Variants in URI1 observed in about 807,000 individuals in gnomAD.
URI1 encodes the protein unconventional prefoldin RPB5 interactor 1.
In URI1, 39 loss-of-function variants were observed where a neutral mutation model predicts 60.2. That is an observed-to-expected ratio of 0.65 (90% CI 0.50 to 0.85). The LOEUF (loss-of-function observed/expected upper bound fraction) is 0.85, where lower values mean the gene tolerates loss of function less well. Among genes scored for constraint, URI1 ranks in the 40% least tolerant of loss-of-function variants. The pLI is 0.00. For missense variants in URI1, 691 were observed against 665.9 expected (o/e 1.04, Z -0.42); for synonymous variants, 251 against 236.8 (o/e 1.06, Z -0.55).
At position 29,960,274 on chromosome 19, in the gene URI1, A is replaced by G. The variant is rs1299613290; in HGVS notation, c.118-10919A>G. ...TAATCCTGCAGTTTTTGGGTTCAGT[A>G]TGTGTCTGTTAGTTCAGGCTGCTTG... On this transcript the variant is annotated intron_variant, in intron 1 of 10. Transcript: ENST00000392271. Among the ~76,000 whole-genome samples, 4 of 152,234 alleles carry G rather than the reference A, an allele frequency of 2.6e-5. No individual in the cohort carries two copies. The East Asian group carries it at 7.7e-4, about 29-fold the overall frequency.
At chr19:29,958,555 CTTG>C (rs1320397674) in intron 1 of URI1, among the ~76,000 whole-genome samples, 2 of 152,204 alleles carry the variant, frequency 1.3e-5, no homozygotes, top group African/African-American at 4.8e-5. Context: ...ATGTGTTTAC[CTTG>C]TTGTATATTG....
rs183923805 is a variant in URI1 at position 30,009,263 on chromosome 19, C to T, written c.945C>T (p.Asp315=). 9.3e-6 allele frequency: 15 copies of T among 1,613,726 alleles called. No homozygotes were observed. In the Admixed American group the frequency reaches 1.2e-4, roughly 13 times the overall value. The change falls in exon 8 of 11, where the codon GAC becomes GAT. Residue 315 remains aspartate (D), a synonymous_variant. Transcript: ENST00000392271. ...DDDDDDDNID[D]DDGDNDHEAL... ...ACGACGACGACGACAACATTGACGA[C>T]GATGATGGTGATAACGACCATGAGG... is the stretch of plus-strand genomic sequence containing the variant.
intron 4 of URI1, among the ~76,000 whole-genome samples, chr19:29,998,592 A>T (rs2055840974): frequency 6.6e-6 from 1 of 151,982 alleles, no homozygotes; most frequent in African/African-American, 2.4e-5. Context: ...TTTTAATTTA[A>T]AGTCTATTTT....
At chr19:29,939,655 G>A (rs2055004619), upstream of URI1, among the ~76,000 whole-genome samples, 2 of 152,310 alleles carry the variant, frequency 1.3e-5, no homozygotes, top group Admixed American at 1.3e-4. Flanking sequence ...AGAGGAGAGG[G>A]GAGGGGCTTT....
At chr19:29,944,931 C>T (rs970580157) in intron 1 of URI1, among the ~76,000 whole-genome samples, 1 of 152,156 alleles carries the variant, frequency 6.6e-6, no homozygotes. Flanking sequence ...TTTATTTAGG[C>T]TTTAAAGCTG....
rs1179983818 is a variant in URI1, at chr19:30,005,665, T to G, written c.474T>G (p.Ile158Met). 5.0e-6 allele frequency: 8 copies of G among 1,611,966 alleles called. No individual in the cohort carries two copies. In the African/African-American group the frequency reaches 1.1e-4, roughly 22 times the overall value. Reference sequence around the variant, plus strand: ...TTAAAAACCAGGCTGCAGGTGATATTGTTGACATACGAGAAGAAATTAAAT... The same window carrying G: ...TTAAAAACCAGGCTGCAGGTGATATGGTTGACATACGAGAAGAAATTAAAT... ...LQKMSDAAGD[I>M]VDIREEIKCD... The change falls in exon 6 of 11, where the codon ATT (isoleucine) becomes ATG (methionine). Residue 158 changes from isoleucine (I) to methionine (M), a missense_variant. By Grantham distance (10) the Ile-to-Met change is conservative. Transcript: ENST00000392271.
intron 1 of URI1, among the ~76,000 whole-genome samples, chr19:29,966,137 GATTTATTT>G (rs989712287): frequency 6.6e-6 from 1 of 152,030 alleles, no homozygotes; most frequent in Non-Finnish European, 1.5e-5. Context: ...TATGGTGGTT[GATTTATTT>G]ATTTATTTAT....
intron 2 of URI1, among the ~76,000 whole-genome samples, chr19:29,981,125 G>A (rs1021868206): frequency 5.4e-5 from 8 of 148,916 alleles, no homozygotes; most frequent in African/African-American, 2.0e-4. Flanking sequence ...TTTTATTTTT[G>A]TCAGTCACTT....
chr19:29,953,150 C>T (rs1202309727), intron 1 of URI1, among the ~76,000 whole-genome samples: 1 of 152,120 alleles, frequency 6.6e-6, no homozygotes, highest in Admixed American at 6.5e-5. Flanking sequence ...CTCATTTCAC[C>T]ATCACGAGTG....
chr19:29,945,021 A>G (rs945037585), intron 1 of URI1, among the ~76,000 whole-genome samples: 18 of 152,228 alleles, frequency 1.2e-4, no homozygotes, highest in African/African-American at 4.1e-4. Context: ...AAAATGTCAT[A>G]GTAGCTTCAT....
chr19:29,929,399 C>T (rs2054896789), intron 1 of URI1, among the ~76,000 whole-genome samples: 1 of 152,102 alleles, frequency 6.6e-6, no homozygotes, highest in South Asian at 2.1e-4. Context: ...GAGTTGGAGA[C>T]CAGCCTGGCC....
chr19:29,969,648 C>T (rs1040584197), intron 1 of URI1, among the ~76,000 whole-genome samples: 1 of 152,186 alleles, frequency 6.6e-6, no homozygotes, highest in Admixed American at 6.5e-5. Flanking sequence ...TGGCTCTCTT[C>T]ATGCTTGGAA....
At chr19:29,971,679 A>G (rs1242930325) in intron 2 of URI1, among the ~76,000 whole-genome samples, 1 of 150,126 alleles carries the variant, frequency 6.7e-6, no homozygotes, top group Non-Finnish European at 1.5e-5. Context: ...AGCTTGTTTT[A>G]TTGACTGTAC....
At chr19:29,926,233 CTCCTTCCTTCCTTCCTTCCTTCCT>C (rs35040318) in intron 1 of URI1, among the ~76,000 whole-genome samples, 11 of 131,576 alleles carry the variant, frequency 8.4e-5, no homozygotes, top group African/African-American at 2.3e-4. Flanking sequence ...TTCTTCCTCT[CTCCTTCCTTCCTTCCTTCCTTCCT>C]TCCTTCCTTC....
At chr19:29,976,492 T>G (rs1316744939) in intron 2 of URI1, among the ~76,000 whole-genome samples, 1 of 152,212 alleles carries the variant, frequency 6.6e-6, no homozygotes, top group Non-Finnish European at 1.5e-5. Context: ...GAATGGAAGC[T>G]GCAAGGCCAC....
chr19:29,993,764 C>T (rs1293181679), intron 4 of URI1, among the ~76,000 whole-genome samples: 2 of 152,104 alleles, frequency 1.3e-5, no homozygotes, highest in African/African-American at 2.4e-5. Context: ...TGTTCTTTAA[C>T]ATCCAGTTTA....
rs1013336536 is a variant in URI1 at position 29,942,582 on chromosome 19, C to T, written c.35C>T (p.Pro12Leu). The part of the protein sequence containing the change: ...EAPTVETPPD[P>L]SPPSAPAPAL... ...CCCACCGTGGAGACGCCCCCCGACC[C>T]CTCGCCCCCTTCGGCCCCGGCCCCT... is the stretch of plus-strand genomic sequence containing the variant. The change falls in exon 1 of 11, where the codon CCC becomes CTC. Residue 12 changes from proline to leucine, a missense_variant. Physicochemically the swap from Pro to Leu is moderately conservative, Grantham distance 98. Transcript: ENST00000392271. 2.4e-5 allele frequency: 34 copies of T among 1,426,542 alleles called. No individual in the cohort carries two copies. Among genetic ancestry groups the T allele is most frequent in the African/African-American group, 3.0e-5 (2 of 66,828 alleles). 88.4% of individuals were successfully genotyped at this position (1,426,542 alleles called of 1,614,324 possible). A position where few individuals can be genotyped will look rare whatever the true frequency, so the allele number is the denominator to read the frequency against.
At chr19:30,002,125 G>A (rs1482532728) in intron 4 of URI1, among the ~76,000 whole-genome samples, 1 of 151,976 alleles carries the variant, frequency 6.6e-6, no homozygotes, top group Non-Finnish European at 1.5e-5. Context: ...ATACTATTCA[G>A]TACATATGAA....
intron 1 of URI1, among the ~76,000 whole-genome samples, chr19:29,950,474 C>A (rs762338834): frequency 6.6e-6 from 1 of 152,152 alleles, no homozygotes; most frequent in East Asian, 1.9e-4. Context: ...TATAAAAGTA[C>A]AGGAAAGGTG....
Sources: gnomAD v4.1 joint callset for allele counts (sites outside exome capture counted in the v4.1 genomes callset) on GRCh38, gnomAD v4.1.1 for gene constraint, MANE v1.5 for transcripts, NCBI Gene and HGNC (gene_info 2026-07-23, HGNC 2026-07-21) for gene names.